Variants in LEMD2 observed in about 807,000 individuals in gnomAD.
LEMD2 encodes LEM domain-containing protein 2.
In LEMD2, 34 loss-of-function variants were observed where a neutral mutation model predicts 58.8. The observed-to-expected ratio is 0.58, with a 90% CI of 0.44 to 0.77. The LOEUF is 0.77. Ranked by LOEUF, LEMD2 falls within the 30% of genes least tolerant of loss-of-function variation. The pLI, the probability that LEMD2 is intolerant of heterozygous loss-of-function variation, is 0.00. For synonymous variants in LEMD2, 298 were observed against 308.9 expected, an observed-to-expected ratio of 0.96 and a Z score of 0.37; for missense variants, 629 against 717.9, an observed-to-expected ratio of 0.88 and a Z score of 1.42.
At chr6:33,774,038 G>A (rs183331824) in intron 8 of LEMD2, among the ~76,000 whole-genome samples, 1 of 152,322 alleles carries the variant, frequency 6.6e-6, no homozygotes, top group African/African-American at 2.4e-5. Context: ...AGGCTTGGGT[G>A]GTAGCTCCGG....
At chr6:33,781,422 C>T (rs1767562703) in intron 3 of LEMD2, 1 of 437,972 alleles carries the variant, frequency 2.3e-6, no homozygotes, top group South Asian at 3.8e-5. Flanking sequence ...GGTCTCTTTG[C>T]AATTGATCCC....
At chr6:33,781,540 G>A (rs1767565699) in intron 3 of LEMD2, 1 of 189,728 alleles carries the variant, frequency 5.3e-6, no homozygotes, top group South Asian at 1.0e-4. Context: ...CGGGGATTCT[G>A]ACTCATGACA....
At chr6:33,787,558 G>A (rs1007931249) in intron 1 of LEMD2, among the ~76,000 whole-genome samples, 1 of 152,238 alleles carries the variant, frequency 6.6e-6, no homozygotes, top group African/African-American at 2.4e-5. Context: ...TCACATTCGT[G>A]CTTTGTAAAG....
At chr6:33,780,515 G>A (rs540817986) in intron 4 of LEMD2, among the ~76,000 whole-genome samples, 20 of 152,312 alleles carry the variant, frequency 1.3e-4, no homozygotes, top group African/African-American at 4.8e-4. Context: ...TGTGGCTGGG[G>A]GTGGGTGAGC....
In LEMD2 at chr6:33,778,629, T is replaced by G. The variant is rs1028930458; in HGVS notation, c.1011-242A>C. Reference sequence around the variant, plus strand: ...CCCTACCGCTAAAGCAACGTCCCCCTGTCAGGTCTTTGACAGCCTCTCTCA... The same window carrying G: ...CCCTACCGCTAAAGCAACGTCCCCCGGTCAGGTCTTTGACAGCCTCTCTCA... On this transcript the variant is annotated intron_variant, in intron 5 of 8. Coordinates refer to ENST00000293760, the MANE Select transcript of LEMD2 (RefSeq NM_181336.4). The surrounding 1 kb of genome is among the most constrained non-coding windows in gnomAD (Gnocchi z 4.7). 3.9e-5 allele frequency: 14 copies of G among 361,980 alleles called. No homozygotes were observed. The highest frequency in any genetic ancestry group is 2.8e-4 in the Admixed American group (6 of 21,728). The allele number at this position is 361,980 out of a possible 1,614,324, so 22.4% of individuals were successfully genotyped here. A position where few individuals can be genotyped will look rare whatever the true frequency, so the allele number is the denominator to read the frequency against.
chr6:33,788,057 G>C (rs1767721410), intron 1 of LEMD2, among the ~76,000 whole-genome samples: 1 of 152,230 alleles, frequency 6.6e-6, no homozygotes, highest in Non-Finnish European at 1.5e-5. Context: ...GAATCTGTTA[G>C]AGGGGGGTGT....
At position 33,788,761 on chromosome 6, in the gene LEMD2, C is replaced by G. The variant is rs1232386872; in HGVS notation, c.356G>C (p.Gly119Ala). ...PSAASWVGSRGLAYPARPAQL... is the reference protein window; with the variant it reads ...PSAASWVGSRALAYPARPAQL... ...CGCCGGGCGGGCAGGATAGGCGAGG[C>G]CGCGGCTCCCTACCCAGGAAGCCGC... The change falls in exon 1 of 9, where the codon GGC becomes GCC. Residue 119 changes from glycine (G) to alanine (A), a missense_variant. Physicochemically the swap from Gly to Ala is moderately conservative, Grantham distance 60. Transcript: ENST00000293760. 3.5e-6 allele frequency: 5 copies of G among 1,448,934 alleles called. No individual in the cohort carries two copies. Among genetic ancestry groups the G allele is most frequent in the Non-Finnish European group, 4.5e-6 (5 of 1,102,782 alleles). 89.8% of individuals were successfully genotyped at this position (1,448,934 alleles called of 1,614,324 possible).
intron 3 of LEMD2, chr6:33,782,317 GGCA>G (rs1767583790): frequency 2.0e-5 from 3 of 152,336 alleles, no homozygotes; most frequent in Non-Finnish European, 4.4e-5. Flanking sequence ...TCACCTTCCT[GGCA>G]CCTGGCTCTC....
chr6:33,786,486 C>G (rs1186278503), intron 2 of LEMD2, among the ~76,000 whole-genome samples: 1 of 152,168 alleles, frequency 6.6e-6, no homozygotes, highest in Non-Finnish European at 1.5e-5. Flanking sequence ...GTCCCCGATG[C>G]TACATTTGAT....
rs1767743874 is a variant in LEMD2 at position 33,788,659 on chromosome 6, T to C, written c.458A>G (p.Gln153Arg). 1 of 1,302,884 alleles carries C rather than the reference T, an allele frequency of 7.7e-7. No homozygotes were observed. The highest frequency in any genetic ancestry group is 2.2e-5 in the South Asian group (1 of 44,848). The allele number at this position is 1,302,884 out of a possible 1,614,324, so 80.7% of individuals were successfully genotyped here. A position where few individuals can be genotyped will look rare whatever the true frequency, so the allele number is the denominator to read the frequency against. ...GCGGCGGGCCGCGAGACCCGGGCCC[T>C]GCGTGGCCCTGTCGGGCGTCCGGGC... ...EDARTPDRAT[Q>R]GPGLAARRWW... The change falls in exon 1 of 9, where the codon CAG (glutamine) becomes CGG (arginine). Residue 153 changes from glutamine (Q) to arginine (R), a missense_variant. Transcript: ENST00000293760.
At chr6:33,776,892 G>T in intron 8 of LEMD2, 62 bp downstream of exon 8, 2 of 1,344,244 alleles carry the variant, frequency 1.5e-6, no homozygotes, top group Non-Finnish European at 2.1e-6. Flanking sequence ...TTTCCTTCTG[G>T]GGAGCTCAGT....
chr6:33,782,525 C>T (rs1445207546), intron 3 of LEMD2, among the ~76,000 whole-genome samples: 1 of 152,222 alleles, frequency 6.6e-6, no homozygotes, highest in Non-Finnish European at 1.5e-5. Context: ...TTGCCTTGTC[C>T]TTCCCCACAT....
At chr6:33,774,645 G>T (rs1767388846) in intron 8 of LEMD2, among the ~76,000 whole-genome samples, 1 of 152,126 alleles carries the variant, frequency 6.6e-6, no homozygotes, top group African/African-American at 2.4e-5. Context: ...GCCCAGGCTG[G>T]TCTCGAACTC....
At chr6:33,784,782 C>T (rs113837604) in intron 2 of LEMD2, 3,211 of 196,174 alleles carry the variant, frequency 0.016, 83 homozygotes, top group African/African-American at 0.064. Context: ...CGCTCAGCTT[C>T]CTCAGAGGAA....
chr6:33,775,358 T>A (rs1561922465), intron 8 of LEMD2, among the ~76,000 whole-genome samples: 1 of 152,186 alleles, frequency 6.6e-6, no homozygotes. Flanking sequence ...TGCTCTGTTG[T>A]CCAGGCTGAT....
At chr6:33,781,283 G>A (rs1323186265) in intron 3 of LEMD2, 130 bp from the exon 4 acceptor site, 1 of 639,014 alleles carries the variant, frequency 1.6e-6, no homozygotes, top group East Asian at 2.7e-5. Context: ...CCTGGCTTCT[G>A]TGGGGCATCT....
At chr6:33,781,941 C>G (rs1767574577) in intron 3 of LEMD2, 1 of 152,404 alleles carries the variant, frequency 6.6e-6, no homozygotes, top group South Asian at 2.1e-4. Flanking sequence ...CCTGACTGCC[C>G]TGACCCAGCA....
chr6:33,786,684 G>T, intron 2 of LEMD2, 50 bp downstream of exon 2: 1 of 1,439,396 alleles, frequency 6.9e-7, no homozygotes, highest in Non-Finnish European at 9.8e-7. Context: ...TCCTGATGGA[G>T]GCTAATATCC....
chr6:33,782,494 G>A (rs1358957601), intron 3 of LEMD2, among the ~76,000 whole-genome samples: 2 of 152,198 alleles, frequency 1.3e-5, no homozygotes, highest in South Asian at 4.1e-4. Context: ...CTTCCCACTC[G>A]AGATGTAATT....
Sources: gnomAD v4.1 joint callset for allele counts (sites outside exome capture counted in the v4.1 genomes callset) on GRCh38, gnomAD v4.1.1 for gene constraint, Gnocchi (gnomAD v3.1) non-coding constraint, MANE v1.5 for transcripts, NCBI Gene and HGNC (gene_info 2026-07-23, HGNC 2026-07-21) for gene names.